Variants in KICS2 observed in about 807,000 individuals in gnomAD.
The protein encoded by KICS2 is KICSTOR complex protein C12orf66.
A neutral mutation model predicts 31.4 loss-of-function variants in KICS2; 13 were observed. That is an observed-to-expected ratio of 0.41 (90% CI 0.27 to 0.66). The LOEUF (loss-of-function observed/expected upper bound fraction) is 0.66, where lower values mean the gene tolerates loss of function less well. Among genes scored for constraint, KICS2 ranks in the 30% least tolerant of loss-of-function variants. The probability of loss-of-function intolerance (pLI) is 0.28; values close to 1 mark genes in which losing one functional copy is unlikely to be tolerated. For synonymous variants in KICS2, 209 were observed against 214.8 expected (o/e 0.97, Z 0.24); for missense variants, 455 against 545.4 (o/e 0.83, Z 1.65).
chr12:64,196,626 A>G (rs1440141288), intron 2 of KICS2, among the ~76,000 whole-genome samples: 3 of 151,114 alleles, frequency 2.0e-5, no homozygotes, highest in Admixed American at 1.3e-4. Context: ...CTGAGAGAAG[A>G]AGGCTTCAGA....
At chr12:64,219,025 A>G (rs1241351713) in intron 1 of KICS2, among the ~76,000 whole-genome samples, 1 of 152,200 alleles carries the variant, frequency 6.6e-6, no homozygotes, top group African/African-American at 2.4e-5. Flanking sequence ...TCTCTTTTCA[A>G]TATTTTTAAT....
intron 1 of KICS2, among the ~76,000 whole-genome samples, chr12:64,218,055 A>C (rs541459200): frequency 8.8e-4 from 134 of 152,352 alleles, no homozygotes; most frequent in Non-Finnish European, 1.6e-3. Flanking sequence ...CAGATTGAGT[A>C]GCTGGCACAT....
rs1323859934 is a variant in KICS2, at chr12:64,192,568, G to T, written c.*1274C>A. 3 of 980,714 alleles carry T rather than the reference G, an allele frequency of 3.1e-6. No homozygotes were observed. Among genetic ancestry groups the T allele is most frequent in the Non-Finnish European group, 3.6e-6 (3 of 825,770 alleles). The allele number at this position is 980,714 out of a possible 1,614,324, so 60.8% of individuals were successfully genotyped here. On this transcript the variant is annotated 3_prime_UTR_variant, in exon 3 of 3. Transcript: ENST00000398055. ...AAACAGTGGCTCCACACAATCATGG[G>T]AAAAAAGACGAATATGACCATTACA...
Position 64,193,986 on chromosome 12 carries a change from C to T in KICS2, c.1194G>A (p.Pro398=), listed in dbSNP as rs750672936. The part of the protein sequence containing the change: ...KVQSTYFLTR[P]EPHFTIVIIF... The stretch of plus-strand genomic sequence containing the variant: ...TGATGACAATGGTAAAGTGAGGTTC[C>T]GGGCGGGTTAGGAAGTAGGTACTCT... The change falls in exon 3 of 3, where the codon CCG becomes CCA. Residue 398 remains proline (P), a synonymous_variant. Coordinates refer to ENST00000398055, the MANE Select transcript of KICS2 (RefSeq NM_152440.5). 10 of 1,614,146 alleles carry T rather than the reference C, an allele frequency of 6.2e-6. No individual in the cohort carries two copies. The highest frequency in any genetic ancestry group is 2.2e-5 in the East Asian group (1 of 44,886).
chr12:64,217,913 A>G (rs1428323231), intron 1 of KICS2, among the ~76,000 whole-genome samples: 2 of 152,042 alleles, frequency 1.3e-5, no homozygotes, highest in African/African-American at 4.8e-5. Flanking sequence ...AGAAAAGAAG[A>G]AAGGAAGGAA....
chr12:64,208,284 C>T (rs1008382088), intron 2 of KICS2, among the ~76,000 whole-genome samples: 1 of 152,230 alleles, frequency 6.6e-6, no homozygotes, highest in Non-Finnish European at 1.5e-5. Flanking sequence ...GCTGGGATTA[C>T]ACGCATTAGA....
chr12:64,214,723 C>T (rs1488612263), intron 2 of KICS2, among the ~76,000 whole-genome samples: 1 of 151,390 alleles, frequency 6.6e-6, no homozygotes. Context: ...ACTAAAAATA[C>T]AAAAAAAATT....
In KICS2 at chr12:64,193,532, T is replaced by A; in HGVS notation, c.*310A>T. 9.1e-7 allele frequency: 1 copy of A among 1,095,946 alleles called. No homozygotes were observed. Among genetic ancestry groups the A allele is most frequent in the Non-Finnish European group, 1.1e-6 (1 of 901,848 alleles). The allele number at this position is 1,095,946 out of a possible 1,614,324, so 67.9% of individuals were successfully genotyped here. On this transcript the variant is annotated 3_prime_UTR_variant, in exon 3 of 3. Transcript: ENST00000398055. The stretch of plus-strand genomic sequence containing the variant: ...ATGTTTAGAACAACAGAAAAACATA[T>A]GGGAAAAAAAAAAGCCCAATAAATA...
chr12:64,195,936 G>A (rs2037431547), intron 2 of KICS2, among the ~76,000 whole-genome samples: 2 of 152,144 alleles, frequency 1.3e-5, no homozygotes, highest in South Asian at 4.1e-4. Context: ...CCCACACCTG[G>A]CTTGGAGGGT....
At chr12:64,195,179 C>T (rs1437162440) in intron 2 of KICS2, among the ~76,000 whole-genome samples, 1 of 152,140 alleles carries the variant, frequency 6.6e-6, no homozygotes, top group East Asian at 1.9e-4. Context: ...CCTTCCAAAG[C>T]GCTGGGATTA....
chr12:64,197,147 G>C (rs2037448242), intron 2 of KICS2, among the ~76,000 whole-genome samples: 1 of 120,894 alleles, frequency 8.3e-6, no homozygotes, highest in East Asian at 2.4e-4. Flanking sequence ...ACACATAATT[G>C]TCAGATTCAC....
In KICS2 at chr12:64,192,547, A is replaced by G; in HGVS notation, c.*1295T>C. The G allele has an allele frequency of 2.1e-6, 2 of 936,352 alleles. No homozygotes were observed. Among genetic ancestry groups the G allele is most frequent in the Non-Finnish European group, 1.3e-6 (1 of 785,262 alleles). 58.0% of individuals were successfully genotyped at this position (936,352 alleles called of 1,614,324 possible). A position where few individuals can be genotyped will look rare whatever the true frequency, so the allele number is the denominator to read the frequency against. Reference sequence around the variant, plus strand: ...ACCTGCTGTGGACACCCAGTAAAACAGTGGCTCCACACAATCATGGGAAAA... The same window carrying G: ...ACCTGCTGTGGACACCCAGTAAAACGGTGGCTCCACACAATCATGGGAAAA... On this transcript the variant is annotated 3_prime_UTR_variant, in exon 3 of 3. Transcript: ENST00000398055.
chr12:64,187,867 A>G (rs2037351180), downstream of KICS2, among the ~76,000 whole-genome samples: 1 of 152,240 alleles, frequency 6.6e-6, no homozygotes, highest in Non-Finnish European at 1.5e-5. Flanking sequence ...ATAATAATAA[A>G]TAACATGGTA....
chr12:64,208,104 G>T (rs1370108140), intron 2 of KICS2, among the ~76,000 whole-genome samples: 2 of 152,112 alleles, frequency 1.3e-5, no homozygotes, highest in Admixed American at 1.3e-4. Flanking sequence ...CCACCTCCCG[G>T]GCTCAGGTGA....
chr12:64,191,804 G>A lies in KICS2; in HGVS notation c.*2038C>T, dbSNP rs2037380576. 5 of 152,268 alleles carry A rather than the reference G, an allele frequency of 3.3e-5. No homozygotes were observed. The South Asian group carries it at 1.0e-3, about 32-fold the overall frequency. 9.4% of individuals were successfully genotyped at this position (152,268 alleles called of 1,614,324 possible). A position where few individuals can be genotyped will look rare whatever the true frequency, so the allele number is the denominator to read the frequency against. On this transcript the variant is annotated 3_prime_UTR_variant, in exon 3 of 3. Coordinates refer to ENST00000398055, the MANE Select transcript of KICS2 (RefSeq NM_152440.5). ...AGAAAAAGAAAGGAGGCCAGGTGCA[G>A]TGGCACATGCTTATAAACCCAGTGC...
At chr12:64,195,672 C>T (rs963533722) in intron 2 of KICS2, among the ~76,000 whole-genome samples, 3 of 152,228 alleles carry the variant, frequency 2.0e-5, no homozygotes. Flanking sequence ...GTGATTTCTG[C>T]ATTTCCATCT....
rs539351958 is a variant in KICS2 at position 64,202,453 on chromosome 12, G to T, written c.522-7795C>A. 5.9e-5 allele frequency among the ~76,000 whole-genome samples: 9 copies of T among 151,496 alleles called. No individual in the cohort carries two copies. The East Asian group carries it at 1.7e-3, about 29-fold the overall frequency. ...TACTGTAAAAAATACACTTTATATT[G>T]TGACCAAGTACCTGCACACATAAAT... is the stretch of plus-strand genomic sequence containing the variant. On this transcript the variant is annotated intron_variant, in intron 2 of 2. Coordinates refer to ENST00000398055, the MANE Select transcript of KICS2 (RefSeq NM_152440.5).
intron 1 of KICS2, among the ~76,000 whole-genome samples, chr12:64,218,605 A>G (rs998776926): frequency 6.6e-6 from 1 of 152,178 alleles, no homozygotes; most frequent in African/African-American, 2.4e-5. Flanking sequence ...CAAATACTAC[A>G]AAAAGAATAG....
At chr12:64,211,480 G>C (rs567166228) in intron 2 of KICS2, among the ~76,000 whole-genome samples, 1 of 152,102 alleles carries the variant, frequency 6.6e-6, no homozygotes, top group Non-Finnish European at 1.5e-5. Flanking sequence ...TTAGCCAGGC[G>C]TGGTGGCGCA....
Sources: allele counts gnomAD v4.1 joint callset (sites outside exome capture counted in the v4.1 genomes callset), GRCh38; gene constraint gnomAD v4.1.1; transcripts MANE v1.5; gene names NCBI Gene and HGNC (gene_info 2026-07-23, HGNC 2026-07-21).